CDC42BPA: variants seen among roughly 807,000 people sequenced by gnomAD.
CDC42BPA encodes the protein serine/threonine-protein kinase MRCK alpha.
CDC42BPA carries 80 observed loss-of-function variants against 223.5 expected under a neutral mutation model. The ratio of observed to expected loss-of-function variants is 0.36; its 90% CI spans 0.30 to 0.43. The LOEUF (loss-of-function observed/expected upper bound fraction) is 0.43. Ranked by LOEUF, CDC42BPA falls within the 20% of genes least tolerant of loss-of-function variation. CDC42BPA has a pLI of 1.00. For synonymous variants in CDC42BPA, 694 were observed against 718.6 expected (o/e 0.97, Z 0.55); for missense variants, 1,743 against 2,099.9 (o/e 0.83, Z 3.32).
intron 17 of CDC42BPA, among the ~76,000 whole-genome samples, chr1:227,080,564 TAGAA>T (rs760166457): frequency 3.9e-5 from 6 of 152,180 alleles, no homozygotes; most frequent in African/African-American, 1.2e-4. Flanking sequence ...CTTTTGGTCT[TAGAA>T]AGAAACATCC....
intron 15 of CDC42BPA, among the ~76,000 whole-genome samples, chr1:227,094,769 A>G (rs550060373): frequency 2.6e-5 from 4 of 152,224 alleles, no homozygotes; most frequent in South Asian, 2.1e-4. Context: ...AGGCTGAGTA[A>G]TTGAAGCCTG....
At chr1:227,132,861 C>T (rs1279936916) in intron 10 of CDC42BPA, among the ~76,000 whole-genome samples, 1 of 150,794 alleles carries the variant, frequency 6.6e-6, no homozygotes, top group African/African-American at 2.4e-5. Context: ...TGCCCGGCCG[C>T]CCCGTCTGAG....
At chr1:227,141,723 G>A (rs1301187695) in intron 9 of CDC42BPA, among the ~76,000 whole-genome samples, 3 of 152,150 alleles carry the variant, frequency 2.0e-5, no homozygotes, top group Admixed American at 6.5e-5. Flanking sequence ...GCCAGAGGAC[G>A]GCTTGAGGAG....
At chr1:227,016,858 T>C (rs182246872) in intron 33 of CDC42BPA, 69 bp downstream of exon 33, 67 of 1,429,154 alleles carry the variant, frequency 4.7e-5, no homozygotes, top group Admixed American at 2.5e-4. Flanking sequence ...AAATCAAATA[T>C]AGTATCATCA....
At position 227,168,582 on chromosome 1, in the gene CDC42BPA, G is replaced by A. The variant is rs71648418; in HGVS notation, c.600-7946C>T. On this transcript the variant is annotated intron_variant, in intron 5 of 36. Transcript: ENST00000366766. ...GCGATCTCCGCTCGCTGCAAGCTCC[G>A]CCTCCTGGGTTCACGCCATTCTCCT... Among the ~76,000 whole-genome samples the A allele has an allele frequency of 7.1e-5, 10 of 140,704 alleles. No homozygotes were observed. In the East Asian group the frequency reaches 1.5e-3, roughly 22 times the overall value. The allele number at this position is 140,704 out of a possible 152,430, so 92.3% of individuals were successfully genotyped here.
intron 5 of CDC42BPA, among the ~76,000 whole-genome samples, chr1:227,162,983 CAT>C (rs1491369865): frequency 8.7e-5 from 4 of 46,194 alleles, no homozygotes; most frequent in Admixed American, 6.8e-4. Flanking sequence ...TGTTTCCAAA[CAT>C]GTTTCCAAAC....
chr1:227,084,472 G>A (rs946650730), intron 16 of CDC42BPA, among the ~76,000 whole-genome samples: 50 of 149,544 alleles, frequency 3.3e-4, no homozygotes, highest in African/African-American at 4.9e-4. Flanking sequence ...AGGTTGCAAC[G>A]AGCAGAGATA....
chr1:227,109,116 A>G (rs1289659569), intron 14 of CDC42BPA, among the ~76,000 whole-genome samples: 4 of 152,222 alleles, frequency 2.6e-5, no homozygotes, highest in Non-Finnish European at 5.9e-5. Context: ...AATGGAACTT[A>G]ACAGGACTGG....
intron 14 of CDC42BPA, among the ~76,000 whole-genome samples, chr1:227,106,947 T>C (rs1219464143): frequency 6.6e-6 from 1 of 152,252 alleles, no homozygotes; most frequent in African/African-American, 2.4e-5. Flanking sequence ...CAGTACCACA[T>C]TGTTTTGATT....
In CDC42BPA at chr1:227,100,777, T is replaced by TGTGTGTGTGTGTGTGTGTGCGC. The variant is rs777124731; in HGVS notation, c.2249+214_2249+215insGCGCACACACACACACACACAC. Among the ~76,000 whole-genome samples the TGTGTGTGTGTGTGTGTGTGCGC allele has an allele frequency of 1.9e-3, 238 of 128,594 alleles. 1 individual carries two copies. Among genetic ancestry groups the TGTGTGTGTGTGTGTGTGTGCGC allele is most frequent in the African/African-American group, 6.5e-3 (228 of 35,144 alleles). 84.4% of individuals were successfully genotyped at this position (128,594 alleles called of 152,430 possible). A position where few individuals can be genotyped will look rare whatever the true frequency, so the allele number is the denominator to read the frequency against. ...GTGTGTGTGTGTGTGTGTGTGTGTG[T>TGTGTGTGTGTGTGTGTGTGCGC]GCGTGTGCCATCATACCCAGCTAGA... On this transcript the variant is annotated intron_variant, in intron 15 of 36. Transcript: ENST00000366766.
intron 11 of CDC42BPA, among the ~76,000 whole-genome samples, chr1:227,126,139 G>A (rs761308637): frequency 1.1e-4 from 17 of 152,054 alleles, no homozygotes; most frequent in Non-Finnish European, 2.2e-4. Context: ...CAAACTTAAA[G>A]TGACCTACAC....
intron 1 of CDC42BPA, among the ~76,000 whole-genome samples, chr1:227,279,138 C>A (rs1365986288): frequency 6.6e-6 from 1 of 151,706 alleles, no homozygotes; most frequent in Admixed American, 6.6e-5. Flanking sequence ...TTACATCTTT[C>A]TTTTGGTCTT....
At chr1:227,074,460 A>G in intron 17 of CDC42BPA, 96 bp from the exon 18 acceptor site, 1 of 843,486 alleles carries the variant, frequency 1.2e-6, no homozygotes. Flanking sequence ...AGTGGTAGGA[A>G]ATTCAAAGAT....
At chr1:227,170,009 CAAT>C (rs1047429167) in intron 5 of CDC42BPA, among the ~76,000 whole-genome samples, 1 of 152,130 alleles carries the variant, frequency 6.6e-6, no homozygotes, top group Admixed American at 6.5e-5. Flanking sequence ...AACATGGCCT[CAAT>C]AATATCTCTC....
intron 2 of CDC42BPA, among the ~76,000 whole-genome samples, chr1:227,225,177 C>T (rs1676647600): frequency 6.6e-6 from 1 of 152,122 alleles, no homozygotes; most frequent in African/African-American, 2.4e-5. Flanking sequence ...TATAAAACTA[C>T]ATCAATTTTG....
chr1:227,187,104 T>C (rs574269290), intron 5 of CDC42BPA, among the ~76,000 whole-genome samples: 15 of 152,338 alleles, frequency 9.8e-5, no homozygotes, highest in African/African-American at 3.4e-4. Context: ...TATTTTCTAA[T>C]CTTGTTATTT....
chr1:226,999,778 G>A (rs1662393983), intron 35 of CDC42BPA, among the ~76,000 whole-genome samples: 1 of 152,042 alleles, frequency 6.6e-6, no homozygotes, highest in Non-Finnish European at 1.5e-5. Flanking sequence ...CATAAAAAAG[G>A]ATGAGTTCAT....
intron 32 of CDC42BPA, among the ~76,000 whole-genome samples, chr1:227,019,761 G>T (rs965757886): frequency 1.3e-5 from 2 of 152,162 alleles, no homozygotes; most frequent in Admixed American, 6.5e-5. Context: ...GTAATATTTT[G>T]AAAGAAGTAT....
At chr1:227,165,642 A>C (rs1240481649) in intron 5 of CDC42BPA, among the ~76,000 whole-genome samples, 1 of 152,214 alleles carries the variant, frequency 6.6e-6, no homozygotes, top group African/African-American at 2.4e-5. Flanking sequence ...TAGTGAGAGA[A>C]TGCAGGGAGG....
Sources: allele counts gnomAD v4.1 joint callset (sites outside exome capture counted in the v4.1 genomes callset), GRCh38; gene constraint gnomAD v4.1.1; transcripts MANE v1.5; gene names NCBI Gene and HGNC (gene_info 2026-07-23, HGNC 2026-07-21).